F13B: variants seen among roughly 807,000 people sequenced by gnomAD.
F13B encodes the protein coagulation factor XIII B chain, also known as TGase.
A neutral mutation model predicts 79.8 loss-of-function variants in F13B; 58 were observed. The ratio of observed to expected loss-of-function variants is 0.73; its 90% CI spans 0.59 to 0.90. The LOEUF is 0.90. Ranked by LOEUF, F13B falls within the 40% of genes least tolerant of loss-of-function variation. F13B has a pLI of 0.00. For synonymous variants in F13B, 283 were observed against 260.3 expected, an observed-to-expected ratio of 1.09 and a Z score of -0.84; for missense variants, 773 against 777.0, an observed-to-expected ratio of 0.99 and a Z score of 0.06.
chr1:197,039,599 C>G (rs1041893965), intron 11 of F13B, among the ~76,000 whole-genome samples, 188 bp from the exon 12 acceptor site: 1 of 152,028 alleles, frequency 6.6e-6, no homozygotes, highest in Non-Finnish European at 1.5e-5. Flanking sequence ...ATTTACTACA[C>G]TACTCATGAT....
chr1:197,050,693 A>C lies in F13B; in HGVS notation c.1738+4T>G, dbSNP rs185237085. The C allele has an allele frequency of 6.2e-7, 1 of 1,612,594 alleles. No individual in the cohort carries two copies. Among genetic ancestry groups the C allele is most frequent in the East Asian group, 2.2e-5 (1 of 44,828 alleles). On this transcript the variant is annotated splice_donor_region_variant and intron_variant, in intron 10 of 11. Coordinates refer to ENST00000367412, the MANE Select transcript of F13B (RefSeq NM_001994.3). ...TTGTTAGAGGCATATTTAGTAGTAC[A>C]TACCTAAACACAATGGTGGTGTAGT...
At chr1:197,052,532 A>C (rs758280707) in intron 9 of F13B, 102 bp downstream of exon 9, 9 of 758,936 alleles carry the variant, frequency 1.2e-5, no homozygotes, top group Admixed American at 2.8e-5. Flanking sequence ...AATTAAAAAG[A>C]ATAATAATAA....
intron 7 of F13B, among the ~76,000 whole-genome samples, chr1:197,056,617 G>A (rs1655648772): frequency 6.6e-6 from 1 of 152,070 alleles, no homozygotes; most frequent in Non-Finnish European, 1.5e-5. Context: ...AACTTTGCAG[G>A]ACATATGGGG....
At chr1:197,044,522 C>G (rs1655157181) in intron 10 of F13B, among the ~76,000 whole-genome samples, 1 of 152,078 alleles carries the variant, frequency 6.6e-6, no homozygotes, top group Non-Finnish European at 1.5e-5. Flanking sequence ...TCCTTAGAGA[C>G]CTGCAAAGAG....
Position 197,039,160 on chromosome 1 carries a change from AC to A in F13B, c.*217del. 1.9e-6 allele frequency: 1 copy of A among 523,418 alleles called. No homozygotes were observed. The highest frequency in any genetic ancestry group is 2.5e-5 in the South Asian group (1 of 39,988). 32.4% of individuals were successfully genotyped at this position (523,418 alleles called of 1,614,324 possible). A position where few individuals can be genotyped will look rare whatever the true frequency, so the allele number is the denominator to read the frequency against. ...TTAATTTGTAACAGATGGAAGACAT[AC>A]AAAAGAGATTAAGTTCTACATCAAA... is the stretch of plus-strand genomic sequence containing the variant. On this transcript the variant is annotated 3_prime_UTR_variant, in exon 12 of 12. Transcript: ENST00000367412.
Position 197,050,921 on chromosome 1 carries a change from T to A in F13B, c.1556-42A>T, listed in dbSNP as rs1571558090. ...TAAAGTATACAATGAATTGCTATAATGAACATCCAGTACTTTATAAGTGCT... is the reference window on the plus strand; with the variant it reads ...TAAAGTATACAATGAATTGCTATAAAGAACATCCAGTACTTTATAAGTGCT... On this transcript the variant is annotated intron_variant, in intron 9 of 11. Coordinates refer to ENST00000367412, the MANE Select transcript of F13B (RefSeq NM_001994.3). 6 of 1,495,556 alleles carry A rather than the reference T, an allele frequency of 4.0e-6. No homozygotes were observed. In the East Asian group the frequency reaches 1.4e-4, roughly 34 times the overall value. 92.6% of individuals were successfully genotyped at this position (1,495,556 alleles called of 1,614,324 possible). A position where few individuals can be genotyped will look rare whatever the true frequency, so the allele number is the denominator to read the frequency against.
chr1:197,061,561 T>C (rs967691389), intron 3 of F13B, among the ~76,000 whole-genome samples: 3 of 152,122 alleles, frequency 2.0e-5, no homozygotes, highest in Non-Finnish European at 4.4e-5. Flanking sequence ...CTTTTATTGA[T>C]GCAAAGTAGG....
At chr1:197,067,009 A>G in intron 1 of F13B, 151 bp downstream of exon 1, 3 of 399,208 alleles carry the variant, frequency 7.5e-6, no homozygotes, top group Non-Finnish European at 8.9e-6. Context: ...TCAAAGGAAA[A>G]GGTCTAAATA....
In F13B at chr1:197,061,797, A is replaced by G. The variant is rs1426833352; in HGVS notation, c.438T>C (p.Cys146=). The part of the protein sequence containing the change: ...LSDGWSSQPT[C]RKEHETCLAP... Reference sequence around the variant, plus strand: ...TGATTCTTATACCATGTTCTTTCCTACAGGTTGGTTGAGAAGACCATCCAT... The same window carrying G: ...TGATTCTTATACCATGTTCTTTCCTGCAGGTTGGTTGAGAAGACCATCCAT... The change falls in exon 3 of 12, where the codon TGT becomes TGC. Residue 146 remains cysteine, a synonymous_variant. Coordinates refer to ENST00000367412, the MANE Select transcript of F13B (RefSeq NM_001994.3). The G allele has an allele frequency of 6.2e-7, 1 of 1,613,134 alleles. No individual in the cohort carries two copies.
intron 10 of F13B, among the ~76,000 whole-genome samples, chr1:197,048,346 C>A (rs999797292): frequency 1.3e-5 from 2 of 151,366 alleles, no homozygotes; most frequent in Non-Finnish European, 2.9e-5. Flanking sequence ...TTATAAACTG[C>A]ATAAGTATAT....
At chr1:197,059,776 A>G (rs1655787126) in intron 5 of F13B, among the ~76,000 whole-genome samples, 1 of 152,132 alleles carries the variant, frequency 6.6e-6, no homozygotes, top group Non-Finnish European at 1.5e-5. Context: ...CCCTCCTCAT[A>G]TTAAATTGTA....
At position 197,061,912 on chromosome 1, in the gene F13B, T is replaced by C. The variant is rs759690063; in HGVS notation, c.323A>G (p.Tyr108Cys). 6.2e-7 allele frequency: 1 copy of C among 1,612,932 alleles called. No individual in the cohort carries two copies. Among genetic ancestry groups the C allele is most frequent in the East Asian group, 2.2e-5 (1 of 44,812 alleles). The change falls in exon 3 of 12, where the codon TAT becomes TGT. Residue 108 changes from tyrosine to cysteine, a missense_variant. Transcript: ENST00000367412. ...ATAACGCATGTTCTCTTGAATTTTA[T>C]ACAATAACTTTACATCAGAGATGTA... is the stretch of plus-strand genomic sequence containing the variant. ...NGYISDVKLL[Y>C]KIQENMRYGC...
chr1:197,054,027 G>A (rs918186352), intron 8 of F13B, among the ~76,000 whole-genome samples: 7 of 152,092 alleles, frequency 4.6e-5, no homozygotes, highest in Admixed American at 1.3e-4. Context: ...AAAATTCTAT[G>A]CTTTATCATA....
chr1:197,067,174 TCTC>T lies in F13B; in HGVS notation c.47_49del (p.Gly16del). ...ATTAATTTTACCTTCTGCATAGAGT[TCTC>T]CTGAGATTATCAATATGATGATAAA... On this transcript the variant is annotated inframe_deletion, in exon 1 of 12. Coordinates refer to ENST00000367412, the MANE Select transcript of F13B (RefSeq NM_001994.3). 6.3e-7 allele frequency: 1 copy of T among 1,597,130 alleles called. No homozygotes were observed. The highest frequency in any genetic ancestry group is 8.6e-7 in the Non-Finnish European group (1 of 1,165,708).
chr1:197,045,193 C>A (rs1236351326), intron 10 of F13B, among the ~76,000 whole-genome samples: 2 of 151,616 alleles, frequency 1.3e-5, no homozygotes, highest in Non-Finnish European at 2.9e-5. Context: ...CACAAAAAAT[C>A]CCTTCAAAAA....
rs977086659 is a variant in F13B, at chr1:197,046,496, C to A, written c.1738+4201G>T. Among the ~76,000 whole-genome samples the A allele has an allele frequency of 3.9e-5, 6 of 151,984 alleles. 1 individual carries two copies. The highest frequency in any genetic ancestry group is 1.4e-4 in the African/African-American group (6 of 41,384). On this transcript the variant is annotated intron_variant, in intron 10 of 11. Coordinates refer to ENST00000367412, the MANE Select transcript of F13B (RefSeq NM_001994.3). ...CTCTTCAAGAACTACTAACCACTGC[C>A]CAACGAAATAAAAGATGACACAAAC...
At chr1:197,058,464 T>C (rs564968179) in intron 5 of F13B, among the ~76,000 whole-genome samples, 2 of 152,282 alleles carry the variant, frequency 1.3e-5, no homozygotes, top group Non-Finnish European at 1.5e-5. Flanking sequence ...GAGAGCCACA[T>C]TCCTGCTGGA....
intron 10 of F13B, among the ~76,000 whole-genome samples, chr1:197,042,666 A>T (rs1443001891): frequency 6.9e-6 from 1 of 144,230 alleles, no homozygotes; most frequent in African/African-American, 2.5e-5. Context: ...AAAAAAAAAA[A>T]AAAAATAGCC....
intron 1 of F13B, among the ~76,000 whole-genome samples, chr1:197,064,164 T>C (rs1415639099): frequency 6.6e-6 from 1 of 152,100 alleles, no homozygotes; most frequent in Non-Finnish European, 1.5e-5. Context: ...ATCTCAATGA[T>C]TGTGAAGAAG....
Sources: allele counts gnomAD v4.1 joint callset (sites outside exome capture counted in the v4.1 genomes callset), GRCh38; gene constraint gnomAD v4.1.1; transcripts MANE v1.5; gene names NCBI Gene and HGNC (gene_info 2026-07-23, HGNC 2026-07-21).